Variants in CALHM3 observed in about 807,000 individuals in gnomAD.
CALHM3 encodes calcium homeostasis modulator 3.
Under a neutral mutation model 13.6 loss-of-function variants are expected in CALHM3, and 9 were observed. That is an observed-to-expected ratio of 0.66 (90% CI 0.40 to 1.15). The LOEUF (loss-of-function observed/expected upper bound fraction) is 1.15. CALHM3 is among the 50% of genes most tolerant of loss of function. The pLI, the probability that CALHM3 is intolerant of heterozygous loss-of-function variation, is 0.01. For synonymous variants in CALHM3, 231 were observed against 213.2 expected (o/e 1.08, Z -0.73); for missense variants, 497 against 463.4 (o/e 1.07, Z -0.67).
At position 103,474,971 on chromosome 10, in the gene CALHM3, G is replaced by A. The variant is rs546836817; in HGVS notation, c.544-1267C>T. ...TGTCATAGAGAGGGAGTCCAGAGGA[G>A]GGACACCCATCCTGACTTTGAGGGC... is the stretch of plus-strand genomic sequence containing the variant. On this transcript the variant is annotated intron_variant, in intron 2 of 2. Transcript: ENST00000369783. 2.6e-5 allele frequency among the ~76,000 whole-genome samples: 4 copies of A among 152,300 alleles called. No individual in the cohort carries two copies. In the East Asian group the frequency reaches 7.7e-4, roughly 29 times the overall value.
intron 1 of CALHM3, among the ~76,000 whole-genome samples, chr10:103,478,494 G>C (rs2033415970): frequency 6.6e-6 from 1 of 152,202 alleles, no homozygotes; most frequent in Admixed American, 6.5e-5. Flanking sequence ...TACAGCACTG[G>C]CCACGGAAAG....
rs1365910038 is a variant in CALHM3, at chr10:103,473,699, G to A, written c.549C>T (p.Ile183=). 3.9e-6 allele frequency: 6 copies of A among 1,545,814 alleles called. No individual in the cohort carries two copies. Among genetic ancestry groups the A allele is most frequent in the Admixed American group, 2.0e-5 (1 of 50,724 alleles). The part of the protein sequence containing the change: ...SRYLRCLSQA[I]GWSVTLLLII... ...TCAGCAGCAGGGTGACGCTCCAGCC[G>A]ATGGCCTGCAAAGTAAGGAGGCCCG... Residue 183 remains isoleucine, a synonymous_variant, in exon 3 of 3, where the codon ATC becomes ATT. Transcript: ENST00000369783.
At chr10:103,476,620 G>A in intron 1 of CALHM3, 71 bp from the exon 2 acceptor site, 1 of 1,513,776 alleles carries the variant, frequency 6.6e-7, no homozygotes, top group African/African-American at 1.4e-5. Context: ...GTGCAAGGAT[G>A]GACTGCTGGG....
Position 103,478,923 on chromosome 10 carries a change from A to G in CALHM3, c.110T>C (p.Phe37Ser), listed in dbSNP as rs1564796376. 2 of 1,551,758 alleles carry G rather than the reference A, an allele frequency of 1.3e-6. No individual in the cohort carries two copies. Among genetic ancestry groups the G allele is most frequent in the East Asian group, 4.9e-5 (2 of 40,924 alleles). Residue 37 changes from phenylalanine (F) to serine (S), a missense_variant, in exon 1 of 3, where the codon TTT becomes TCT. Transcript: ENST00000369783. ...AAVTVKLYSS[F>S]DFNCPCLVHY... Reference sequence around the variant, plus strand: ...CACCAGGCAGGGACAGTTGAAGTCAAAGGAGGAGTACAGCTTGACGGTGAC... The same window carrying G: ...CACCAGGCAGGGACAGTTGAAGTCAGAGGAGGAGTACAGCTTGACGGTGAC...
chr10:103,473,425 C>G lies in CALHM3; in HGVS notation c.823G>C (p.Glu275Gln), dbSNP rs956914504. Residue 275 changes from glutamate (E) to glutamine (Q), a missense_variant, in exon 3 of 3, where the codon GAG becomes CAG. Physicochemically the swap from Glu to Gln is conservative, Grantham distance 29. Transcript: ENST00000369783. ...CCACTATCCAGGCCTTCTGGGGGCT[C>G]AGGCACTGCGGGGAGCTCGAGTCTC... ...GRRLELPAVP[E>Q]PPEGLDSGSG... The G allele has an allele frequency of 1.2e-5, 18 of 1,523,530 alleles. No individual in the cohort carries two copies. The highest frequency in any genetic ancestry group is 1.5e-5 in the Non-Finnish European group (17 of 1,131,412). 94.4% of individuals were successfully genotyped at this position (1,523,530 alleles called of 1,614,324 possible).
Position 103,473,290 on chromosome 10 carries a change from G to A in CALHM3, c.958C>T (p.Leu320Phe). 1 of 1,478,754 alleles carries A rather than the reference G, an allele frequency of 6.8e-7. No individual in the cohort carries two copies. Among genetic ancestry groups the A allele is most frequent in the Admixed American group, 2.5e-5 (1 of 40,224 alleles). 91.6% of individuals were successfully genotyped at this position (1,478,754 alleles called of 1,614,324 possible). A position where few individuals can be genotyped will look rare whatever the true frequency, so the allele number is the denominator to read the frequency against. The stretch of plus-strand genomic sequence containing the variant: ...CGGTGGCTAAGGCCACCCCCGCAGA[G>A]CCCGGGGGATGCAGCCAGGTCCAGC... ...PPLDLAASPG[L>F]CGGGLSHRAP... Residue 320 changes from leucine (L) to phenylalanine (F), a missense_variant, in exon 3 of 3, where the codon CTC (leucine) becomes TTC (phenylalanine). Transcript: ENST00000369783.
intron 1 of CALHM3, among the ~76,000 whole-genome samples, chr10:103,476,788 T>C (rs190471147): frequency 2.3e-4 from 35 of 152,358 alleles, no homozygotes; most frequent in Middle Eastern, 3.4e-3. Flanking sequence ...CAGACACTGC[T>C]GGTGCCCTGC....
Position 103,473,464 on chromosome 10 carries a change from C to G in CALHM3, c.784G>C (p.Gly262Arg), listed in dbSNP as rs986549915. ...AGCTCGAGTCTCCTGCCTGCATTGC[C>G]CCGGCGCAGCCCCCGCGCCTGCAGC... ...SELQARGLRRGNAGRRLELPA... is the reference protein window; with the variant it reads ...SELQARGLRRRNAGRRLELPA... The change falls in exon 3 of 3, where the codon GGC (glycine) becomes CGC (arginine). Residue 262 changes from glycine to arginine, a missense_variant. By Grantham distance (125) the Gly-to-Arg change is moderately radical (BLOSUM62 -2). Coordinates refer to ENST00000369783, the MANE Select transcript of CALHM3 (RefSeq NM_001129742.2). 2.9e-5 allele frequency: 45 copies of G among 1,539,904 alleles called. No individual in the cohort carries two copies. Among genetic ancestry groups the G allele is most frequent in the Admixed American group, 4.0e-5 (2 of 50,150 alleles).
chr10:103,479,040 G>T lies in CALHM3; in HGVS notation c.-8C>A. The T allele has an allele frequency of 6.5e-7, 1 of 1,542,410 alleles. No homozygotes were observed. ...CATGCGGAATTTATCCATGGCTCCAGCCTGGGTGGGTGGGCGGCCGTCGGT... is the reference window on the plus strand; with the variant it reads ...CATGCGGAATTTATCCATGGCTCCATCCTGGGTGGGTGGGCGGCCGTCGGT... On this transcript the variant is annotated 5_prime_UTR_variant, in exon 1 of 3. In the 5' UTR this introduces an upstream ATG that the reference lacks. Coordinates refer to ENST00000369783, the MANE Select transcript of CALHM3 (RefSeq NM_001129742.2).
intron 2 of CALHM3, 144 bp from the exon 3 acceptor site, chr10:103,473,848 A>T (rs754573260): frequency 1.1e-5 from 12 of 1,112,690 alleles, no homozygotes; most frequent in Non-Finnish European, 1.3e-5. Flanking sequence ...ATGGATTCAA[A>T]TACTCCTTAG....
rs1267078387 is a variant in CALHM3, at chr10:103,478,936, G to C, written c.97C>G (p.Leu33Val). ...CAGTTGAAGTCAAAGGAGGAGTACAGCTTGACGGTGACCGCAGCCAGCAGC... is the reference window on the plus strand; with the variant it reads ...CAGTTGAAGTCAAAGGAGGAGTACACCTTGACGGTGACCGCAGCCAGCAGC... ...CLLLAAVTVKLYSSFDFNCPC... is the reference protein window; with the variant it reads ...CLLLAAVTVKVYSSFDFNCPC... The change falls in exon 1 of 3, where the codon CTG becomes GTG. Residue 33 changes from leucine (L) to valine (V), a missense_variant. Transcript: ENST00000369783. 6 of 1,551,622 alleles carry C rather than the reference G, an allele frequency of 3.9e-6. No homozygotes were observed. The highest frequency in any genetic ancestry group is 5.2e-6 in the Non-Finnish European group (6 of 1,147,000).
At chr10:103,473,754 T>C in intron 2 of CALHM3, 50 bp from the exon 3 acceptor site, 1 of 1,458,888 alleles carries the variant, frequency 6.9e-7, no homozygotes, top group Non-Finnish European at 9.0e-7. Flanking sequence ...CCTAATCCTA[T>C]ATACATATGT....
rs2033348861 is a variant in CALHM3 at position 103,473,446 on chromosome 10, G to GGCAC, written c.801_802insGTGC (p.Leu268ValfsTer9). On this transcript the variant is annotated frameshift_variant, in exon 3 of 3. Coordinates refer to ENST00000369783, the MANE Select transcript of CALHM3 (RefSeq NM_001129742.2). LOFTEE classifies it low-confidence loss of function (END_TRUNC). Reference sequence around the variant, plus strand: ...GGCTCAGGCACTGCGGGGAGCTCGAGTCTCCTGCCTGCATTGCCCCGGCGC... The same window carrying GGCAC: ...GGCTCAGGCACTGCGGGGAGCTCGAGGCACTCTCCTGCCTGCATTGCCCCGGCGC... 1 of 1,536,436 alleles carries GGCAC rather than the reference G, an allele frequency of 6.5e-7. No individual in the cohort carries two copies. The highest frequency in any genetic ancestry group is 1.4e-5 in the African/African-American group (1 of 72,816).
rs2033418132 is a variant in CALHM3 at position 103,478,638 on chromosome 10, CT to C, written c.287+107del. On this transcript the variant is annotated intron_variant, in intron 1 of 2. Coordinates refer to ENST00000369783, the MANE Select transcript of CALHM3 (RefSeq NM_001129742.2). Reference sequence around the variant, plus strand: ...ACCTGTAGGGTGGGTGGAGAATCCCCTGATAATGAGAATGGTTGGGGTCTGG... The same window carrying C: ...ACCTGTAGGGTGGGTGGAGAATCCCCGATAATGAGAATGGTTGGGGTCTGG... 3.4e-6 allele frequency: 4 copies of C among 1,185,602 alleles called. No individual in the cohort carries two copies. In the Admixed American group the frequency reaches 8.7e-5, roughly 26 times the overall value. The allele number at this position is 1,185,602 out of a possible 1,614,324, so 73.4% of individuals were successfully genotyped here.
chr10:103,476,252 T>C, intron 2 of CALHM3, 42 bp downstream of exon 2: 2 of 1,547,042 alleles, frequency 1.3e-6, no homozygotes, highest in South Asian at 2.4e-5. Flanking sequence ...ATGCGGGGGA[T>C]TTGTGAGGGT....
intron 2 of CALHM3, among the ~76,000 whole-genome samples, chr10:103,474,011 C>A (rs3014198): frequency 1.3e-5 from 2 of 151,956 alleles, no homozygotes; most frequent in Non-Finnish European, 2.9e-5. Context: ...TCCCTGTGTC[C>A]TTGTAAATTT....
rs951882194 is a variant in CALHM3, at chr10:103,473,698, C to T, written c.550G>A (p.Gly184Ser). 5.2e-6 allele frequency: 8 copies of T among 1,545,472 alleles called. No homozygotes were observed. Among genetic ancestry groups the T allele is most frequent in the Admixed American group, 2.0e-5 (1 of 50,684 alleles). ...RYLRCLSQAI[G>S]WSVTLLLIIA... ...ATCAGCAGCAGGGTGACGCTCCAGC[C>T]GATGGCCTGCAAAGTAAGGAGGCCC... The change falls in exon 3 of 3, where the codon GGC becomes AGC. Residue 184 changes from glycine to serine, a missense_variant. By Grantham distance (56) the Gly-to-Ser change is moderately conservative (BLOSUM62 0). Transcript: ENST00000369783.
Position 103,476,521 on chromosome 10 carries a change from C to A in CALHM3, c.316G>T (p.Ala106Ser). The change falls in exon 2 of 3, where the codon GCG (alanine) becomes TCG (serine). Residue 106 changes from alanine to serine, a missense_variant. Ala to Ser is a moderately conservative substitution (Grantham distance 99). Coordinates refer to ENST00000369783, the MANE Select transcript of CALHM3 (RefSeq NM_001129742.2). ...ATCCAGACCAGGGGGGCGGCCAGCG[C>A]CCTCTGCAGCACAGAGGAGCACATG... Reference protein sequence around the residue: ...RYMCSSVLQRALAAPLVWILL... With the variant: ...RYMCSSVLQRSLAAPLVWILL... 1.3e-6 allele frequency: 2 copies of A among 1,551,558 alleles called. No homozygotes were observed. The highest frequency in any genetic ancestry group is 3.9e-5 in the Admixed American group (2 of 50,996).
At chr10:103,475,078 TA>T (rs2033374069) in intron 2 of CALHM3, among the ~76,000 whole-genome samples, 1 of 152,116 alleles carries the variant, frequency 6.6e-6, no homozygotes, top group African/African-American at 2.4e-5. Context: ...CAAACTGAAG[TA>T]GTTCTCTAAA....
Sources: allele counts gnomAD v4.1 joint callset (sites outside exome capture counted in the v4.1 genomes callset), GRCh38; gene constraint gnomAD v4.1.1; transcripts MANE v1.5; gene names NCBI Gene and HGNC (gene_info 2026-07-23, HGNC 2026-07-21).